The following FHIT variants were observed in gnomAD, a reference collection of about 807,000 sequenced individuals.
FHIT encodes the protein bis(5'-adenosyl)-triphosphatase.
Under a neutral mutation model 17.9 loss-of-function variants are expected in FHIT, and 19 were observed. The ratio of observed to expected loss-of-function variants is 1.06; its 90% CI spans 0.74 to 1.56. FHIT has a LOEUF of 1.56. Among genes scored for constraint, FHIT ranks in the 40% most tolerant of loss-of-function variants. The probability of loss-of-function intolerance (pLI) is 0.00; values close to 1 mark genes in which losing one functional copy is unlikely to be tolerated. For synonymous variants in FHIT, 81 were observed against 69.7 expected (o/e 1.16, Z -0.81); for missense variants, 248 against 189.2 (o/e 1.31, Z -1.82).
At chr3:60,085,255 G>A (rs561694388) in intron 5 of FHIT, among the ~76,000 whole-genome samples, 1 of 152,250 alleles carries the variant, frequency 6.6e-6, no homozygotes, top group East Asian at 1.9e-4. Flanking sequence ...GTACAGACAA[G>A]CAGAGAGAAG....
chr3:60,099,802 T>C (rs1160027062), intron 5 of FHIT, among the ~76,000 whole-genome samples: 1 of 152,180 alleles, frequency 6.6e-6, no homozygotes, highest in East Asian at 1.9e-4. Context: ...CACAGCTCCA[T>C]CATATGTCAT....
At chr3:60,378,579 C>A (rs1700671866) in intron 5 of FHIT, among the ~76,000 whole-genome samples, 1 of 152,132 alleles carries the variant, frequency 6.6e-6, no homozygotes, top group Admixed American at 6.5e-5. Flanking sequence ...TATCATTTAG[C>A]AATAATTTAA....
Position 60,237,369 on chromosome 3 carries a change from C to A in FHIT, c.104-223217G>T, listed in dbSNP as rs570322386. Reference sequence around the variant, plus strand: ...TTACACCTACCATGGTGTGTTGCGACTGGAACAGGTTCAAGTGAAATATAC... The same window carrying A: ...TTACACCTACCATGGTGTGTTGCGAATGGAACAGGTTCAAGTGAAATATAC... On this transcript the variant is annotated intron_variant, in intron 5 of 9. Transcript: ENST00000492590. Among the ~76,000 whole-genome samples, 7 of 149,078 alleles carry A rather than the reference C, an allele frequency of 4.7e-5. No homozygotes were observed. In the South Asian group the frequency reaches 1.5e-3, roughly 32 times the overall value.
chr3:60,053,468 C>G (rs191471226), intron 5 of FHIT, among the ~76,000 whole-genome samples: 1 of 150,930 alleles, frequency 6.6e-6, no homozygotes. Context: ...GCTTCCAAGA[C>G]ATGCATTTTG....
chr3:60,016,988 A>T (rs1470897743), intron 5 of FHIT, among the ~76,000 whole-genome samples: 1 of 152,228 alleles, frequency 6.6e-6, no homozygotes, highest in Non-Finnish European at 1.5e-5. Flanking sequence ...GAAAATTAGA[A>T]ACTTGCCACA....
chr3:60,380,905 A>G (rs1700772555), intron 5 of FHIT, among the ~76,000 whole-genome samples: 1 of 152,306 alleles, frequency 6.6e-6, no homozygotes. Flanking sequence ...GTAATAGTAC[A>G]TCTTCTTGAG....
intron 2 of FHIT, among the ~76,000 whole-genome samples, chr3:61,154,945 A>G (rs939206296): frequency 6.6e-6 from 1 of 152,190 alleles, no homozygotes; most frequent in African/African-American, 2.4e-5. Context: ...TCACCCCCTC[A>G]AAGGGAGGAC....
chr3:61,242,337 G>T (rs1453206790), intron 1 of FHIT, among the ~76,000 whole-genome samples: 1 of 151,800 alleles, frequency 6.6e-6, no homozygotes, highest in Non-Finnish European at 1.5e-5. Context: ...TAAAAGCAGG[G>T]CACAGATTTT....
intron 5 of FHIT, among the ~76,000 whole-genome samples, chr3:60,463,738 G>C (rs1349628204): frequency 6.6e-6 from 1 of 152,162 alleles, no homozygotes; most frequent in African/African-American, 2.4e-5. Flanking sequence ...TAGACCAGTT[G>C]AAACTCTGGC....
intron 4 of FHIT, among the ~76,000 whole-genome samples, chr3:60,720,405 C>A (rs2041782668): frequency 6.6e-6 from 1 of 152,158 alleles, no homozygotes; most frequent in African/African-American, 2.4e-5. Flanking sequence ...AATGAATGTT[C>A]ATTCATATGG....
chr3:60,698,409 C>T (rs186568984), intron 4 of FHIT, among the ~76,000 whole-genome samples: 1 of 152,198 alleles, frequency 6.6e-6, no homozygotes, highest in African/African-American at 2.4e-5. Context: ...GAAAGGTGTG[C>T]GGCTTCTGAG....
intron 8 of FHIT, among the ~76,000 whole-genome samples, chr3:59,804,813 G>A (rs1486223818): frequency 6.6e-6 from 1 of 152,150 alleles, no homozygotes; most frequent in African/African-American, 2.4e-5. Flanking sequence ...CTGGGAACTG[G>A]CAAGTCAGGT....
intron 8 of FHIT, among the ~76,000 whole-genome samples, chr3:59,826,592 T>C (rs1700986902): frequency 1.3e-5 from 2 of 152,230 alleles, no homozygotes; most frequent in African/African-American, 4.8e-5. Flanking sequence ...CTTTATTCAA[T>C]ACTCAAGAGT....
chr3:61,099,377 T>C (rs1358627142), intron 2 of FHIT, among the ~76,000 whole-genome samples: 1 of 136,586 alleles, frequency 7.3e-6, no homozygotes, highest in Non-Finnish European at 1.5e-5. Context: ...TGGCCTGCAG[T>C]TTTTTTTTGT....
intron 5 of FHIT, among the ~76,000 whole-genome samples, chr3:60,500,741 C>T (rs1046151535): frequency 5.1e-5 from 7 of 137,686 alleles, no homozygotes; most frequent in African/African-American, 1.9e-4. Context: ...CCACTGCACT[C>T]CAGCCTGGGT....
At chr3:61,051,126 G>C (rs541159681) in intron 2 of FHIT, among the ~76,000 whole-genome samples, 1 of 151,970 alleles carries the variant, frequency 6.6e-6, no homozygotes, top group Non-Finnish European at 1.5e-5. Context: ...AAAAATGTGC[G>C]TTAAAAAAAT....
intron 3 of FHIT, among the ~76,000 whole-genome samples, chr3:60,870,403 C>T (rs967113068): frequency 1.2e-4 from 18 of 152,076 alleles, no homozygotes; most frequent in Non-Finnish European, 2.9e-5. Context: ...CATTTAAGCT[C>T]TGTCTAGGGA....
intron 5 of FHIT, among the ~76,000 whole-genome samples, chr3:60,390,194 C>G (rs143861288): frequency 6.6e-6 from 1 of 151,898 alleles, no homozygotes; most frequent in Non-Finnish European, 1.5e-5. Context: ...ATTTGTTTAT[C>G]TGAGTAACAA....
chr3:59,966,710 T>C (rs1249602388), intron 7 of FHIT, among the ~76,000 whole-genome samples: 1 of 152,146 alleles, frequency 6.6e-6, no homozygotes, highest in Non-Finnish European at 1.5e-5. Context: ...ATAGGGCACT[T>C]ACCATGAATG....
Sources: allele counts gnomAD v4.1 joint callset (sites outside exome capture counted in the v4.1 genomes callset), GRCh38; gene constraint gnomAD v4.1.1; transcripts MANE v1.5; gene names NCBI Gene and HGNC (gene_info 2026-07-23, HGNC 2026-07-21).